The following PBX1 variants were observed in gnomAD, a reference collection of about 807,000 sequenced individuals.
PBX1 encodes pre-B-cell leukemia transcription factor 1.
Under a neutral mutation model 53.4 loss-of-function variants are expected in PBX1, and 6 were observed. The ratio of observed to expected loss-of-function variants is 0.11; its 90% CI spans 0.06 to 0.22. PBX1 has a LOEUF of 0.22. PBX1 is among the 10% of genes least tolerant of loss of function. PBX1 has a pLI of 1.00. For synonymous variants in PBX1, 204 were observed against 212.3 expected (o/e 0.96, Z 0.34); for missense variants, 251 against 551.4 (o/e 0.46, Z 5.46).
At chr1:164,560,810 T>TG (rs1652985348) in intron 1 of PBX1, among the ~76,000 whole-genome samples, 3 of 152,038 alleles carry the variant, frequency 2.0e-5, no homozygotes. Flanking sequence ...TAAAAAGGGG[T>TG]GGGGGGACAA....
chr1:164,604,444 A>C (rs6659057), intron 2 of PBX1, among the ~76,000 whole-genome samples: 22,350 of 152,160 alleles, frequency 0.15, 1,985 homozygotes, highest in East Asian at 0.4. Context: ...TCATTTGTGC[A>C]TTCAGCAGTT....
chr1:164,711,497 T>G (rs1375285483), intron 2 of PBX1, among the ~76,000 whole-genome samples: 1 of 152,204 alleles, frequency 6.6e-6, no homozygotes, highest in African/African-American at 2.4e-5. Flanking sequence ...TCTCCTGACC[T>G]CGTGATCCAC....
chr1:164,712,847 G>C (rs1035461588), intron 2 of PBX1, among the ~76,000 whole-genome samples: 1 of 152,220 alleles, frequency 6.6e-6, no homozygotes, highest in East Asian at 1.9e-4. Context: ...GTGCGGTTCT[G>C]AAAGACTGGT....
chr1:164,612,409 G>T (rs1269051202), intron 2 of PBX1, among the ~76,000 whole-genome samples: 1 of 152,142 alleles, frequency 6.6e-6, no homozygotes. Context: ...GGACTTCTAT[G>T]TGACCAAGTT....
At chr1:164,569,102 G>A (rs1653650047) in intron 2 of PBX1, among the ~76,000 whole-genome samples, 1 of 152,194 alleles carries the variant, frequency 6.6e-6, no homozygotes, top group Non-Finnish European at 1.5e-5. Flanking sequence ...CTCTGTGCTA[G>A]TTCTGGACCT....
Position 164,569,673 on chromosome 1 carries a change from C to T in PBX1, c.265+6362C>T, listed in dbSNP as rs990135644. ...TGAAACCTCTATCCCTGGGTTCAAG[C>T]GATTCTCCTGCCTCAGCCTCCTGAG... On this transcript the variant is annotated intron_variant, in intron 2 of 8. Coordinates refer to ENST00000420696, the MANE Select transcript of PBX1 (RefSeq NM_002585.4). Among the ~76,000 whole-genome samples, 2 of 140,986 alleles carry T rather than the reference C, an allele frequency of 1.4e-5. 1 individual carries two copies. The highest frequency in any genetic ancestry group is 4.3e-4 in the East Asian group (2 of 4,610). The allele number at this position is 140,986 out of a possible 152,430, so 92.5% of individuals were successfully genotyped here.
chr1:164,726,452 A>C (rs1664705091), intron 2 of PBX1, among the ~76,000 whole-genome samples: 2 of 152,188 alleles, frequency 1.3e-5, no homozygotes, highest in African/African-American at 4.8e-5. Flanking sequence ...CTGTTTACTC[A>C]ATCATGTGGC....
intron 2 of PBX1, among the ~76,000 whole-genome samples, chr1:164,877,362 G>A (rs1378375146): frequency 2.0e-5 from 3 of 152,116 alleles, no homozygotes; most frequent in African/African-American, 7.2e-5. Context: ...CAGATTTTGA[G>A]GGTATAAAAG....
intron 8 of PBX1, among the ~76,000 whole-genome samples, chr1:164,840,776 C>T (rs1671251933): frequency 6.6e-6 from 1 of 152,110 alleles, no homozygotes; most frequent in South Asian, 2.1e-4. Context: ...ACGTTCACTG[C>T]CTGAAGATTA....
At chr1:164,562,823 C>T (rs555626556) in intron 1 of PBX1, 1 of 152,880 alleles carries the variant, frequency 6.5e-6, no homozygotes, top group South Asian at 2.1e-4. Context: ...TTTGAAAACA[C>T]ACAGACCGAG....
At chr1:164,757,512 GTT>G (rs1249421941) in intron 2 of PBX1, among the ~76,000 whole-genome samples, 1 of 152,076 alleles carries the variant, frequency 6.6e-6, no homozygotes, top group Non-Finnish European at 1.5e-5. Flanking sequence ...CCAAAGTAAT[GTT>G]TTAGCTTTCA....
intron 2 of PBX1, among the ~76,000 whole-genome samples, chr1:164,638,429 G>GAT (rs1658918758): frequency 6.6e-6 from 1 of 152,226 alleles, no homozygotes; most frequent in Non-Finnish European, 1.5e-5. Flanking sequence ...CCCCTTTGAA[G>GAT]ATATTGTGCA....
chr1:164,735,800 C>T (rs1269288137), intron 2 of PBX1, among the ~76,000 whole-genome samples: 4 of 152,108 alleles, frequency 2.6e-5, no homozygotes, highest in African/African-American at 9.7e-5. Flanking sequence ...AGATGTATAT[C>T]AGCAGTAATT....
At chr1:164,566,845 A>T (rs1000633903) in intron 2 of PBX1, among the ~76,000 whole-genome samples, 3 of 152,228 alleles carry the variant, frequency 2.0e-5, no homozygotes, top group Admixed American at 6.5e-5. Flanking sequence ...TAATAGCTAT[A>T]TATGGCACTT....
chr1:164,823,623 G>A (rs531042610), intron 8 of PBX1, among the ~76,000 whole-genome samples: 27 of 132,082 alleles, frequency 2.0e-4, no homozygotes, highest in African/African-American at 5.2e-4. Flanking sequence ...GGGGTGGGGG[G>A]GGGGGTCAAC....
chr1:164,806,802 A>T (rs1396721679), intron 4 of PBX1, among the ~76,000 whole-genome samples: 1 of 152,178 alleles, frequency 6.6e-6, no homozygotes, highest in Non-Finnish European at 1.5e-5. Context: ...AGAAAGACCA[A>T]GTTGTAGCAG....
Position 164,614,587 on chromosome 1 carries a change from C to T in PBX1, c.265+51276C>T, listed in dbSNP as rs191261101. Among the ~76,000 whole-genome samples the T allele has an allele frequency of 7.9e-5, 12 of 152,188 alleles. No individual in the cohort carries two copies. In the South Asian group the frequency reaches 1.2e-3, roughly 16 times the overall value. Reference sequence around the variant, plus strand: ...TTTGCCACCTGGCTGCTGACTGGTGCGCTATGCTGCTTCACTCTGCCTGTT... The same window carrying T: ...TTTGCCACCTGGCTGCTGACTGGTGTGCTATGCTGCTTCACTCTGCCTGTT... On this transcript the variant is annotated intron_variant, in intron 2 of 8. Transcript: ENST00000420696.
intron 2 of PBX1, among the ~76,000 whole-genome samples, chr1:164,585,768 C>A (rs1654911379): frequency 6.6e-6 from 1 of 152,168 alleles, no homozygotes; most frequent in South Asian, 2.1e-4. Context: ...CAGCTAATAA[C>A]AATGTATGTC....
intron 6 of PBX1, chr1:164,815,382 A>G (rs991475863): frequency 1.3e-5 from 2 of 152,234 alleles, no homozygotes; most frequent in African/African-American, 2.4e-5. Context: ...TCTTTTGCTT[A>G]GCTGTGTGTT....
Sources: gnomAD v4.1 joint callset for allele counts (sites outside exome capture counted in the v4.1 genomes callset) on GRCh38, gnomAD v4.1.1 for gene constraint, MANE v1.5 for transcripts, NCBI Gene and HGNC (gene_info 2026-07-23, HGNC 2026-07-21) for gene names.